Variants in PRDM11 observed in about 807,000 individuals in gnomAD.
PRDM11 encodes the protein PR domain-containing protein 11.
PRDM11 carries 20 observed loss-of-function variants against 97.8 expected under a neutral mutation model. The observed-to-expected ratio is 0.20, with a 90% CI of 0.14 to 0.30. The LOEUF (loss-of-function observed/expected upper bound fraction) is 0.30. Ranked by LOEUF, PRDM11 falls within the 10% of genes least tolerant of loss-of-function variation. PRDM11 has a pLI of 1.00. For missense variants in PRDM11, 1,139 were observed against 1,555.2 expected (o/e 0.73, Z 4.50); for synonymous variants, 599 against 637.7 (o/e 0.94, Z 0.91).
chr11:45,197,548 G>T (rs1166914361), intron 4 of PRDM11, among the ~76,000 whole-genome samples: 1 of 152,112 alleles, frequency 6.6e-6, no homozygotes, highest in African/African-American at 2.4e-5. Context: ...TGGAGGTAAT[G>T]GATATGTTTA....
At chr11:45,148,257 C>T (rs1457022343) in intron 1 of PRDM11, among the ~76,000 whole-genome samples, 1 of 152,196 alleles carries the variant, frequency 6.6e-6, no homozygotes, top group Non-Finnish European at 1.5e-5. Context: ...TCCTCATAGT[C>T]ACTGTCTGAC....
upstream of PRDM11, among the ~76,000 whole-genome samples, chr11:45,094,744 G>A (rs954170064): frequency 5.6e-4 from 1 of 1,796 alleles, no homozygotes; most frequent in East Asian, 0.023. Flanking sequence ...GGGAAGGAGG[G>A]AAGGAATGAA....
chr11:45,116,697 G>C (rs1852310638), intron 1 of PRDM11, among the ~76,000 whole-genome samples: 1 of 152,158 alleles, frequency 6.6e-6, no homozygotes, highest in Non-Finnish European at 1.5e-5. Flanking sequence ...AAGCCACCCA[G>C]TCTTTTGTAC....
chr11:45,159,352 C>T (rs888755075), intron 1 of PRDM11, among the ~76,000 whole-genome samples: 1 of 152,240 alleles, frequency 6.6e-6, no homozygotes, highest in Non-Finnish European at 1.5e-5. Context: ...TGTTGCCACC[C>T]CCTTTTCTCA....
At position 45,227,096 on chromosome 11, in the gene PRDM11, C is replaced by A; in HGVS notation, c.2471C>A (p.Ala824Glu). The change falls in exon 8 of 8, where the codon GCA becomes GAA. Residue 824 changes from alanine to glutamate, a missense_variant. Around this residue, in one of 2 missense-constraint regions of PRDM11, gnomAD observed 710 missense variants for 1,044.9 expected, o/e 0.68. Coordinates refer to ENST00000683152, the MANE Select transcript of PRDM11 (RefSeq NM_001384648.1). The surrounding 1 kb of genome is among the most constrained non-coding windows in gnomAD (Gnocchi z 8.0). ...EETEFLGDIRAVRWIIGEQNV... is the reference protein window; with the variant it reads ...EETEFLGDIREVRWIIGEQNV... ...ACAGAGTTCCTGGGCGATATCCGGG[C>A]AGTGCGGTGGATCATCGGCGAGCAG... The A allele has an allele frequency of 3.3e-6, 5 of 1,533,982 alleles. No homozygotes were observed. The highest frequency in any genetic ancestry group is 4.4e-6 in the Non-Finnish European group (5 of 1,146,742).
chr11:45,194,097 T>C (rs989358863), intron 4 of PRDM11, among the ~76,000 whole-genome samples: 2 of 152,242 alleles, frequency 1.3e-5, no homozygotes, highest in African/African-American at 4.8e-5. Flanking sequence ...AACAGTCTAG[T>C]TCAGAATCCT....
At chr11:45,203,441 CAAAG>C (rs1474610166) in intron 4 of PRDM11, among the ~76,000 whole-genome samples, 1 of 136,556 alleles carries the variant, frequency 7.3e-6, no homozygotes, top group Admixed American at 7.2e-5. Flanking sequence ...AAAAAAAAAA[CAAAG>C]AAAGTTGGAA....
At chr11:45,212,891 G>A (rs540464893) in intron 5 of PRDM11, 6 of 426,120 alleles carry the variant, frequency 1.4e-5, no homozygotes, top group Admixed American at 4.9e-5. Flanking sequence ...TGGGGTTCAG[G>A]CATCTCAGCG....
chr11:45,109,695 G>C (rs552536886), intron 1 of PRDM11, among the ~76,000 whole-genome samples: 2 of 152,300 alleles, frequency 1.3e-5, no homozygotes, highest in South Asian at 4.1e-4. Context: ...TCTTTCCAGG[G>C]AAAGCAGGGC....
chr11:45,167,759 CCACACACACA>C (rs34333065), intron 1 of PRDM11, among the ~76,000 whole-genome samples: 24,199 of 143,224 alleles, frequency 0.17, 2,529 homozygotes, highest in African/African-American at 0.3. Context: ...TCATTTCACA[CCACACACACA>C]CACACACACA....
chr11:45,184,424 C>T (rs913028717), intron 4 of PRDM11, among the ~76,000 whole-genome samples: 1 of 152,162 alleles, frequency 6.6e-6, no homozygotes, highest in African/African-American at 2.4e-5. Flanking sequence ...GTACCCACAC[C>T]CCTTTCCCCA....
chr11:45,183,698 G>T (rs182810768), intron 4 of PRDM11, among the ~76,000 whole-genome samples: 10 of 152,320 alleles, frequency 6.6e-5, no homozygotes, highest in African/African-American at 2.2e-4. Context: ...GTTTTCAAGG[G>T]TATGAGGAGG....
chr11:45,117,180 C>T (rs558573682), intron 1 of PRDM11, among the ~76,000 whole-genome samples: 2 of 145,316 alleles, frequency 1.4e-5, no homozygotes, highest in South Asian at 4.4e-4. Flanking sequence ...CGAGATAATA[C>T]CACTGCACTC....
chr11:45,133,752 C>T (rs1852770993), intron 1 of PRDM11, among the ~76,000 whole-genome samples: 1 of 152,182 alleles, frequency 6.6e-6, no homozygotes, highest in South Asian at 2.1e-4. Context: ...GGAGGCTAGA[C>T]ATACAGTTAG....
Position 45,226,162 on chromosome 11 carries a change from A to G in PRDM11, c.1537A>G (p.Lys513Glu), listed in dbSNP as rs1201022050. The change falls in exon 8 of 8, where the codon AAG becomes GAG. Residue 513 changes from lysine (K) to glutamate (E), a missense_variant. Transcript: ENST00000683152. ...CCGGCGCTTTAAGCAGGAATGGCTG[A>G]AGAAGTTCTGGTTCCTGCGGTACTC... Reference protein sequence around the residue: ...RIRRFKQEWLKKFWFLRYSPT... With the variant: ...RIRRFKQEWLEKFWFLRYSPT... The G allele has an allele frequency of 6.5e-7, 1 of 1,533,392 alleles. No homozygotes were observed. Among genetic ancestry groups the G allele is most frequent in the South Asian group, 1.2e-5 (1 of 83,970 alleles). 95.0% of individuals were successfully genotyped at this position (1,533,392 alleles called of 1,614,324 possible). A position where few individuals can be genotyped will look rare whatever the true frequency, so the allele number is the denominator to read the frequency against.
At chr11:45,165,452 T>A (rs750917592) in intron 1 of PRDM11, among the ~76,000 whole-genome samples, 1 of 152,212 alleles carries the variant, frequency 6.6e-6, no homozygotes. Flanking sequence ...CCTCTGAGGC[T>A]GGGTTCTCAG....
upstream of PRDM11, among the ~76,000 whole-genome samples, chr11:45,144,689 G>C (rs985533332): frequency 2.0e-5 from 3 of 152,182 alleles, no homozygotes; most frequent in Admixed American, 2.0e-4. Flanking sequence ...GACGCCTCGA[G>C]GTCTTTGCTT....
At chr11:45,153,254 G>C (rs527497698) in intron 1 of PRDM11, among the ~76,000 whole-genome samples, 2 of 152,336 alleles carry the variant, frequency 1.3e-5, no homozygotes, top group African/African-American at 4.8e-5. Context: ...GCAGGGAAAG[G>C]GAACTGAGAA....
chr11:45,138,353 C>G (rs1852921497), intron 1 of PRDM11, among the ~76,000 whole-genome samples: 1 of 152,174 alleles, frequency 6.6e-6, no homozygotes, highest in South Asian at 2.1e-4. Flanking sequence ...ATCACTTACA[C>G]TCAGGAGTGC....
Sources: gnomAD v4.1 joint callset for allele counts (sites outside exome capture counted in the v4.1 genomes callset) on GRCh38, gnomAD v4.1.1 for gene constraint, gnomAD v4.1.1 regional missense constraint, Gnocchi (gnomAD v3.1) non-coding constraint, MANE v1.5 for transcripts, NCBI Gene and HGNC (gene_info 2026-07-23, HGNC 2026-07-21) for gene names.